Variants in FOXB1 observed in about 807,000 individuals in gnomAD.
FOXB1 encodes the protein forkhead box B1.
Under a neutral mutation model 18.6 loss-of-function variants are expected in FOXB1, and 6 were observed. The ratio of observed to expected loss-of-function variants is 0.32; its 90% confidence interval spans 0.18 to 0.64. The LOEUF is 0.64. FOXB1 is among the 30% of genes least tolerant of loss of function. The pLI is 0.78. For synonymous variants in FOXB1, 213 were observed against 216.0 expected (o/e 0.99, Z 0.12); for missense variants, 419 against 463.6 (o/e 0.90, Z 0.88).
At position 60,006,066 on chromosome 15, in the gene FOXB1, A is replaced by C; in HGVS notation, c.*125A>C. 2 of 1,226,838 alleles carry C rather than the reference A, an allele frequency of 1.6e-6. No homozygotes were observed. Among genetic ancestry groups the C allele is most frequent in the East Asian group, 2.7e-5 (1 of 37,584 alleles). 76.0% of individuals were successfully genotyped at this position (1,226,838 alleles called of 1,614,324 possible). On this transcript the variant is annotated 3_prime_UTR_variant, in exon 2 of 2. Coordinates refer to ENST00000396057, the MANE Select transcript of FOXB1 (RefSeq NM_012182.3). ...AACTTGTTCATTTCACCTTCGGCCA[A>C]CCCGCCTTGCCCCAAGAGAACTTTG...
chr15:60,005,063 C>T lies in FOXB1; in HGVS notation c.100C>T (p.Leu34=), dbSNP rs202144037. The change falls in exon 2 of 2, where the codon CTG becomes TTG. Residue 34 remains leucine, a synonymous_variant. Transcript: ENST00000396057. The surrounding 1 kb of genome is among the most constrained non-coding windows in gnomAD (Gnocchi z 9.8). ...MAIQSSPEKM[L]PLSEIYKFIM... ...CATCCAGAGCTCTCCCGAGAAGATG[C>T]TGCCGCTGAGCGAGATCTACAAGTT... 1 of 1,609,236 alleles carries T rather than the reference C, an allele frequency of 6.2e-7. No homozygotes were observed. Among genetic ancestry groups the T allele is most frequent in the Non-Finnish European group, 8.5e-7 (1 of 1,178,144 alleles).
chr15:60,004,928 G>A lies in FOXB1; in HGVS notation c.-36G>A. ...CCAGATCCGAGCAGTCCGCCGGCCC[G>A]CGCGGACCCAGAGCAAGAAGAGGGC... On this transcript the variant is annotated 5_prime_UTR_variant, in exon 2 of 2. Transcript: ENST00000396057. 2.5e-6 allele frequency: 4 copies of A among 1,581,768 alleles called. No homozygotes were observed. The highest frequency in any genetic ancestry group is 1.2e-5 in the South Asian group (1 of 85,560).
At position 60,005,155 on chromosome 15, in the gene FOXB1, C is replaced by T. The variant is rs767875999; in HGVS notation, c.192C>T (p.Asn64=). ...TQRWQNSLRH[N]LSFNDCFIKI... is the part of the protein sequence containing the mutation. ...GCTGGCAGAACAGTCTGCGCCACAA[C>T]CTCTCCTTCAACGACTGCTTCATCA... The change falls in exon 2 of 2, where the codon AAC becomes AAT. Residue 64 remains asparagine (N), a synonymous_variant. Transcript: ENST00000396057. The surrounding 1 kb of genome is among the most constrained non-coding windows in gnomAD (Gnocchi z 9.8). 8 of 1,614,124 alleles carry T rather than the reference C, an allele frequency of 5.0e-6. No individual in the cohort carries two copies. The highest frequency in any genetic ancestry group is 5.9e-6 in the Non-Finnish European group (7 of 1,180,054).
rs1267627380 is a variant in FOXB1 at position 60,004,904 on chromosome 15, C to G, written c.-57-3C>G. 1 of 1,557,312 alleles carries G rather than the reference C, an allele frequency of 6.4e-7. No individual in the cohort carries two copies. The highest frequency in any genetic ancestry group is 1.4e-5 in the African/African-American group (1 of 73,270). On this transcript the variant is annotated splice_polypyrimidine_tract_variant and splice_region_variant and intron_variant, in intron 1 of 1. Transcript: ENST00000396057. The stretch of plus-strand genomic sequence containing the variant: ...CTTTCCCTATTACCCACCCCCTTCC[C>G]AGATCCGAGCAGTCCGCCGGCCCGC...
At position 60,004,424 on chromosome 15, in the gene FOXB1, A is replaced by C. The variant is rs969376422; in HGVS notation, c.-277A>C. 2.6e-5 allele frequency: 4 copies of C among 151,864 alleles called. No individual in the cohort carries two copies. The highest frequency in any genetic ancestry group is 7.3e-5 in the African/African-American group (3 of 41,274). 9.4% of individuals were successfully genotyped at this position (151,864 alleles called of 1,614,324 possible). A position where few individuals can be genotyped will look rare whatever the true frequency, so the allele number is the denominator to read the frequency against. On this transcript the variant is annotated 5_prime_UTR_variant, in exon 1 of 2. Coordinates refer to ENST00000396057, the MANE Select transcript of FOXB1 (RefSeq NM_012182.3). Reference sequence around the variant, plus strand: ...CGTCGCTGCCACCATCCGCGCCGGGACTCCGCAGCCGAGCTCGGCCGCCCG... The same window carrying C: ...CGTCGCTGCCACCATCCGCGCCGGGCCTCCGCAGCCGAGCTCGGCCGCCCG...
At position 60,005,159 on chromosome 15, in the gene FOXB1, T is replaced by C; in HGVS notation, c.196T>C (p.Ser66Pro). ...RWQNSLRHNL[S>P]FNDCFIKIPR... ...GCAGAACAGTCTGCGCCACAACCTC[T>C]CCTTCAACGACTGCTTCATCAAGAT... Residue 66 changes from serine (S) to proline (P), a missense_variant, in exon 2 of 2, where the codon TCC (serine) becomes CCC (proline). Around this residue, in one of 3 missense-constraint regions of FOXB1, gnomAD observed 153 missense variants for 173.8 expected, o/e 0.88. Transcript: ENST00000396057. The surrounding 1 kb of genome is among the most constrained non-coding windows in gnomAD (Gnocchi z 9.8). The C allele has an allele frequency of 6.2e-7, 1 of 1,614,096 alleles. No homozygotes were observed. Among genetic ancestry groups the C allele is most frequent in the Non-Finnish European group, 8.5e-7 (1 of 1,180,014 alleles).
rs919460334 is a variant in FOXB1 at position 60,006,126 on chromosome 15, A to G, written c.*185A>G. 4.0e-6 allele frequency: 3 copies of G among 746,144 alleles called. No individual in the cohort carries two copies. The highest frequency in any genetic ancestry group is 1.8e-5 in the African/African-American group (1 of 54,066). The allele number at this position is 746,144 out of a possible 1,614,324, so 46.2% of individuals were successfully genotyped here. On this transcript the variant is annotated 3_prime_UTR_variant, in exon 2 of 2. Transcript: ENST00000396057. ...CAGGAGACCAAACACAAACTTGCAGATGGGCCGAGAGGCGCGTGGGAGTTG... is the reference window on the plus strand; with the variant it reads ...CAGGAGACCAAACACAAACTTGCAGGTGGGCCGAGAGGCGCGTGGGAGTTG...
rs1466120423 is a variant in FOXB1, at chr15:60,006,448, C to G, written c.*507C>G. On this transcript the variant is annotated 3_prime_UTR_variant, in exon 2 of 2. Coordinates refer to ENST00000396057, the MANE Select transcript of FOXB1 (RefSeq NM_012182.3). ...CTCTTTACGTCTTGGAAATCTGCAG[C>G]AAAAAGGAGCCACTAATCTTCCTAC... is the stretch of plus-strand genomic sequence containing the variant. The G allele has an allele frequency of 6.5e-6, 1 of 154,902 alleles. No homozygotes were observed. Among genetic ancestry groups the G allele is most frequent in the African/African-American group, 2.4e-5 (1 of 41,536 alleles). 9.6% of individuals were successfully genotyped at this position (154,902 alleles called of 1,614,324 possible). A position where few individuals can be genotyped will look rare whatever the true frequency, so the allele number is the denominator to read the frequency against.
At position 60,005,780 on chromosome 15, in the gene FOXB1, C is replaced by G; in HGVS notation, c.817C>G (p.Leu273Val). 1 of 1,603,094 alleles carries G rather than the reference C, an allele frequency of 6.2e-7. No individual in the cohort carries two copies. Residue 273 changes from leucine (L) to valine (V), a missense_variant, in exon 2 of 2, where the codon CTG becomes GTG. Transcript: ENST00000396057. The surrounding 1 kb of genome is among the most constrained non-coding windows in gnomAD (Gnocchi z 9.8). Reference protein sequence around the residue: ...IKPTPAAVPALPALPAPIPTL... With the variant: ...IKPTPAAVPAVPALPAPIPTL... ...GCCCACGCCGGCCGCCGTGCCCGCG[C>G]TGCCTGCGCTGCCAGCGCCCATCCC...
At position 60,004,781 on chromosome 15, in the gene FOXB1, G is replaced by A. The variant is rs1892070198; in HGVS notation, c.-57-126G>A. ...CAAAGTTGCTGGCGAAAGAGTCCGG[G>A]CGCTGGCTGATCGAGCGCCGCAGGC... On this transcript the variant is annotated intron_variant, in intron 1 of 1. Coordinates refer to ENST00000396057, the MANE Select transcript of FOXB1 (RefSeq NM_012182.3). 1.0e-5 allele frequency: 6 copies of A among 573,412 alleles called. No individual in the cohort carries two copies. In the South Asian group the frequency reaches 1.3e-4, roughly 12 times the overall value. The allele number at this position is 573,412 out of a possible 1,614,324, so 35.5% of individuals were successfully genotyped here.
chr15:60,004,963 G>A lies in FOXB1; in HGVS notation c.-1G>A. On this transcript the variant is annotated 5_prime_UTR_variant, in exon 2 of 2. Coordinates refer to ENST00000396057, the MANE Select transcript of FOXB1 (RefSeq NM_012182.3). Reference sequence around the variant, plus strand: ...AGAGCAAGAAGAGGGCGAGGAAGAAGATGCCTCGGCCCGGCCGCAACACGT... The same window carrying A: ...AGAGCAAGAAGAGGGCGAGGAAGAAAATGCCTCGGCCCGGCCGCAACACGT... 6.2e-7 allele frequency: 1 copy of A among 1,608,964 alleles called. No homozygotes were observed.
chr15:60,004,613 A>T lies in FOXB1; in HGVS notation c.-88A>T. On this transcript the variant is annotated 5_prime_UTR_variant, in exon 1 of 2. It removes an upstream start codon present in the reference 5' UTR. Coordinates refer to ENST00000396057, the MANE Select transcript of FOXB1 (RefSeq NM_012182.3). Reference sequence around the variant, plus strand: ...GCGGCGCGCAGCGGCGTCCTCCCGGATGCGGACGCGCAACTTGAAGCAACT... The same window carrying T: ...GCGGCGCGCAGCGGCGTCCTCCCGGTTGCGGACGCGCAACTTGAAGCAACT... The T allele has an allele frequency of 5.2e-6, 1 of 192,704 alleles. No homozygotes were observed. Among genetic ancestry groups the T allele is most frequent in the Non-Finnish European group, 1.1e-5 (1 of 95,186 alleles). The allele number at this position is 192,704 out of a possible 1,614,324, so 11.9% of individuals were successfully genotyped here.
Position 60,005,781 on chromosome 15 carries a change from T to C in FOXB1, c.818T>C (p.Leu273Pro). Reference sequence around the variant, plus strand: ...CCCACGCCGGCCGCCGTGCCCGCGCTGCCTGCGCTGCCAGCGCCCATCCCC... The same window carrying C: ...CCCACGCCGGCCGCCGTGCCCGCGCCGCCTGCGCTGCCAGCGCCCATCCCC... ...IKPTPAAVPA[L>P]PALPAPIPTL... The change falls in exon 2 of 2, where the codon CTG (leucine) becomes CCG (proline). Residue 273 changes from leucine (L) to proline (P), a missense_variant. Coordinates refer to ENST00000396057, the MANE Select transcript of FOXB1 (RefSeq NM_012182.3). This position sits in a 1 kb window ranked among gnomAD's most constrained non-coding sequence, Gnocchi z 9.8. 1 of 1,603,398 alleles carries C rather than the reference T, an allele frequency of 6.2e-7. No individual in the cohort carries two copies. The highest frequency in any genetic ancestry group is 8.5e-7 in the Non-Finnish European group (1 of 1,177,222).
At chr15:60,004,826 G>T in intron 1 of FOXB1, 81 bp from the exon 2 acceptor site, 1 of 541,396 alleles carries the variant, frequency 1.8e-6, no homozygotes, top group Non-Finnish European at 2.8e-6. Context: ...GACCCCCGAA[G>T]TCTGTTACTC....
chr15:60,005,033 A>C lies in FOXB1; in HGVS notation c.70A>C (p.Met24Leu), dbSNP rs768229177. 8.7e-6 allele frequency: 14 copies of C among 1,613,986 alleles called. No homozygotes were observed. The highest frequency in any genetic ancestry group is 1.2e-5 in the Non-Finnish European group (14 of 1,179,952). Residue 24 changes from methionine to leucine, a missense_variant, in exon 2 of 2, where the codon ATG becomes CTG. By Grantham distance (15) the Met-to-Leu change is conservative (BLOSUM62 2). Transcript: ENST00000396057. The surrounding 1 kb of genome is among the most constrained non-coding windows in gnomAD (Gnocchi z 9.8). Reference protein sequence around the residue: ...PPYSYISLTAMAIQSSPEKML... With the variant: ...PPYSYISLTALAIQSSPEKML... The stretch of plus-strand genomic sequence containing the variant: ...CTACTCGTACATCTCGCTGACCGCT[A>C]TGGCCATCCAGAGCTCTCCCGAGAA...
In FOXB1 at chr15:60,005,694, C is replaced by G. The variant is rs1344058639; in HGVS notation, c.731C>G (p.Pro244Arg). 1.2e-6 allele frequency: 2 copies of G among 1,604,446 alleles called. No homozygotes were observed. The highest frequency in any genetic ancestry group is 1.7e-6 in the Non-Finnish European group (2 of 1,177,814). ...ASGDYSAYGV[P>R]LKPLCHAAGQ... Reference sequence around the variant, plus strand: ...GGCGACTACAGCGCCTACGGCGTGCCGTTGAAGCCGCTGTGCCACGCGGCG... The same window carrying G: ...GGCGACTACAGCGCCTACGGCGTGCGGTTGAAGCCGCTGTGCCACGCGGCG... Residue 244 changes from proline to arginine, a missense_variant, in exon 2 of 2, where the codon CCG becomes CGG. By Grantham distance (103) the Pro-to-Arg change is moderately radical. Transcript: ENST00000396057. The surrounding 1 kb of genome is among the most constrained non-coding windows in gnomAD (Gnocchi z 9.8).
In FOXB1 at chr15:60,005,874, G is replaced by T. The variant is rs1195864236; in HGVS notation, c.911G>T (p.Ser304Ile). 6.3e-6 allele frequency: 10 copies of T among 1,597,582 alleles called. No individual in the cohort carries two copies. Among genetic ancestry groups the T allele is most frequent in the Non-Finnish European group, 7.7e-6 (9 of 1,173,682 alleles). ...TCGCAAACAGCCACCAGCCAAAGCA[G>T]CCCCGCCACCCCCAGCGAAACGCTC... is the stretch of plus-strand genomic sequence containing the variant. ...TSSQTATSQS[S>I]PATPSETLTS... Residue 304 changes from serine to isoleucine, a missense_variant, in exon 2 of 2, where the codon AGC becomes ATC. Physicochemically the swap from Ser to Ile is moderately radical, Grantham distance 142. Coordinates refer to ENST00000396057, the MANE Select transcript of FOXB1 (RefSeq NM_012182.3). The surrounding 1 kb of genome is among the most constrained non-coding windows in gnomAD (Gnocchi z 9.8).
rs1892073557 is a variant in FOXB1 at position 60,004,974 on chromosome 15, C to G, written c.11C>G (p.Pro4Arg). The change falls in exon 2 of 2, where the codon CCC becomes CGC. Residue 4 changes from proline (P) to arginine (R), a missense_variant. Around this residue, in one of 3 missense-constraint regions of FOXB1, gnomAD observed 153 missense variants for 173.8 expected, o/e 0.88. Transcript: ENST00000396057. MPRPGRNTYSDQKP... is the reference protein window; with the variant it reads MPRRGRNTYSDQKP... ...AGGGCGAGGAAGAAGATGCCTCGGCCCGGCCGCAACACGTACAGCGACCAG... is the reference window on the plus strand; with the variant it reads ...AGGGCGAGGAAGAAGATGCCTCGGCGCGGCCGCAACACGTACAGCGACCAG... 2 of 1,611,256 alleles carry G rather than the reference C, an allele frequency of 1.2e-6. No homozygotes were observed. Among genetic ancestry groups the G allele is most frequent in the Non-Finnish European group, 1.7e-6 (2 of 1,178,290 alleles).
Position 60,005,069 on chromosome 15 carries a change from C to T in FOXB1, c.106C>T (p.Leu36=). The change falls in exon 2 of 2, where the codon CTG becomes TTG. Residue 36 remains leucine (L), a synonymous_variant. Coordinates refer to ENST00000396057, the MANE Select transcript of FOXB1 (RefSeq NM_012182.3). This position sits in a 1 kb window ranked among gnomAD's most constrained non-coding sequence, Gnocchi z 9.8. ...IQSSPEKMLP[L]SEIYKFIMDR... is the part of the protein sequence containing the mutation. ...GAGCTCTCCCGAGAAGATGCTGCCGCTGAGCGAGATCTACAAGTTCATCAT... is the reference window on the plus strand; with the variant it reads ...GAGCTCTCCCGAGAAGATGCTGCCGTTGAGCGAGATCTACAAGTTCATCAT... 1 of 1,606,320 alleles carries T rather than the reference C, an allele frequency of 6.2e-7. No homozygotes were observed. Among genetic ancestry groups the T allele is most frequent in the Non-Finnish European group, 8.5e-7 (1 of 1,176,860 alleles).
Sources: allele counts gnomAD v4.1 joint callset, GRCh38; gene constraint gnomAD v4.1.1; regional missense constraint gnomAD v4.1.1; non-coding constraint Gnocchi (gnomAD v3.1); transcripts MANE v1.5; gene names NCBI Gene and HGNC (gene_info 2026-07-23, HGNC 2026-07-21).